WDR4: variants seen among roughly 807,000 people sequenced by gnomAD.
WDR4 encodes the protein WDR4 tRNA N7-guanosine methyltransferase non-catalytic subunit, also known as tRNA (guanine-N(7)-)-methyltransferase non-catalytic subunit WDR4.
Under a neutral mutation model 48.6 loss-of-function variants are expected in WDR4, and 47 were observed. That is an observed-to-expected ratio of 0.97 (90% CI 0.77 to 1.23). The LOEUF is 1.23. Among genes scored for constraint, WDR4 ranks in the 50% most tolerant of loss-of-function variants. WDR4 has a pLI of 0.00. For synonymous variants in WDR4, 268 were observed against 230.0 expected (o/e 1.17, Z -1.49); for missense variants, 606 against 551.6 (o/e 1.10, Z -0.99).
At chr21:42,859,595 G>GTGGGCCCC in intron 6 of WDR4, 67 bp downstream of exon 6, 1 of 756,200 alleles carries the variant, frequency 1.3e-6, no homozygotes. Flanking sequence ...GGTCCAGGAG[G>GTGGGCCCC]CGCCCACCCC....
rs1005638916 is a variant in WDR4 at position 42,850,304 on chromosome 21, A to G, written c.1046-62T>C. 8 of 1,456,548 alleles carry G rather than the reference A, an allele frequency of 5.5e-6. No homozygotes were observed. In the East Asian group the frequency reaches 1.9e-4, roughly 35 times the overall value. 90.2% of individuals were successfully genotyped at this position (1,456,548 alleles called of 1,614,324 possible). A position where few individuals can be genotyped will look rare whatever the true frequency, so the allele number is the denominator to read the frequency against. On this transcript the variant is annotated intron_variant, in intron 10 of 10. Coordinates refer to ENST00000398208, the MANE Select transcript of WDR4 (RefSeq NM_018669.6). ...CAGGAACATGGGACTCGGCCACCAC[A>G]GCGGGCCCCCTGCAGCAGGGAGTTA...
intron 3 of WDR4, among the ~76,000 whole-genome samples, chr21:42,869,689 C>T (rs2058325717): frequency 6.6e-6 from 1 of 151,834 alleles, no homozygotes; most frequent in Admixed American, 6.6e-5. Context: ...GTTTACAAAA[C>T]ACAAATGATT....
Position 42,862,355 on chromosome 21 carries a change from G to A in WDR4, c.493C>T (p.Arg165Trp), listed in dbSNP as rs762942524. The A allele has an allele frequency of 2.3e-5, 37 of 1,611,284 alleles. No homozygotes were observed. The highest frequency in any genetic ancestry group is 4.4e-5 in the South Asian group (4 of 90,398). The change falls in exon 5 of 11, where the codon CGG (arginine) becomes TGG (tryptophan). Residue 165 changes from arginine (R) to tryptophan (W), a missense_variant. Coordinates refer to ENST00000398208, the MANE Select transcript of WDR4 (RefSeq NM_018669.6). This position sits in a 1 kb window ranked among gnomAD's most constrained non-coding sequence, Gnocchi z 4.3. ...CAGCTGACTCGGATCTTCTCGTCCC[G>A]GTCGGCAGTGAGGATGAAGCGGTCA... ...PDDRFILTAD[R>W]DEKIRVSWAA...
chr21:42,875,993 G>A (rs1221690723), intron 2 of WDR4, among the ~76,000 whole-genome samples: 4 of 134,520 alleles, frequency 3.0e-5, no homozygotes, highest in Admixed American at 8.1e-5. Context: ...AACCTCGGCC[G>A]ACTGCAACCT....
At chr21:42,891,149 A>G in the WDR4 span, among the ~76,000 whole-genome samples, 1 of 151,928 alleles carries the variant, frequency 6.6e-6, no homozygotes, top group Non-Finnish European at 1.5e-5. Flanking sequence ...ATGGTGAAAC[A>G]CTATCTCTAC....
chr21:42,875,924 T>TC (rs1435344891), intron 2 of WDR4, among the ~76,000 whole-genome samples: 1 of 145,672 alleles, frequency 6.9e-6, no homozygotes, highest in African/African-American at 2.6e-5. Context: ...TGCTTTTTTT[T>TC]TTTTTTTTTT....
In WDR4 at chr21:42,852,331, G is replaced by A. The variant is rs577625026; in HGVS notation, c.976-7C>T. Reference sequence around the variant, plus strand: ...CGGTGCTCTCAGGAACAGACTGCAGGCGACAAACAGGAAATCTTCATCAGA... The same window carrying A: ...CGGTGCTCTCAGGAACAGACTGCAGACGACAAACAGGAAATCTTCATCAGA... On this transcript the variant is annotated splice_region_variant and splice_polypyrimidine_tract_variant and intron_variant, in intron 9 of 10. Coordinates refer to ENST00000398208, the MANE Select transcript of WDR4 (RefSeq NM_018669.6). 5.0e-6 allele frequency: 8 copies of A among 1,613,684 alleles called. No homozygotes were observed. The highest frequency in any genetic ancestry group is 1.3e-5 in the African/African-American group (1 of 74,932).
intron 5 of WDR4, among the ~76,000 whole-genome samples, chr21:42,860,181 G>A (rs1430804446): frequency 6.6e-6 from 1 of 152,174 alleles, no homozygotes; most frequent in Non-Finnish European, 1.5e-5. Flanking sequence ...ACACAGGGAG[G>A]AGGGTGGAGG....
intron 6 of WDR4, among the ~76,000 whole-genome samples, chr21:42,859,297 C>T (rs541771615): frequency 6.6e-6 from 1 of 152,142 alleles, no homozygotes; most frequent in Admixed American, 6.5e-5. Flanking sequence ...AAAAATGCAG[C>T]CCGTAATGGG....
Position 42,850,207 on chromosome 21 carries a change from A to G in WDR4, c.1081T>C (p.Tyr361His). The change falls in exon 11 of 11, where the codon TAC (tyrosine) becomes CAC (histidine). Residue 361 changes from tyrosine (Y) to histidine (H), a missense_variant. Tyr to His is a moderately conservative substitution (Grantham distance 83, BLOSUM62 2). Transcript: ENST00000398208. The stretch of plus-strand genomic sequence containing the variant: ...GTCACGTTGTCGAACGTGGCCTTGT[A>G]GAGACTGCTGAAGCTGGCGTCTGCG... ...AGADASFSSL[Y>H]KATFDNVTSY... is the part of the protein sequence containing the mutation. 6.2e-7 allele frequency: 1 copy of G among 1,609,882 alleles called. No individual in the cohort carries two copies.
intron 6 of WDR4, among the ~76,000 whole-genome samples, chr21:42,857,062 G>A (rs1019624734): frequency 2.0e-5 from 3 of 152,210 alleles, no homozygotes; most frequent in South Asian, 2.1e-4. Flanking sequence ...AGACCAAACC[G>A]GGCCAGGCAG....
At chr21:42,844,819 G>A (rs2057697522), downstream of WDR4, among the ~76,000 whole-genome samples, 1 of 152,232 alleles carries the variant, frequency 6.6e-6, no homozygotes, top group African/African-American at 2.4e-5. Context: ...CCTGGGTGTT[G>A]CTAAACTCCT....
chr21:42,846,923 A>G (rs1017273672), downstream of WDR4, among the ~76,000 whole-genome samples: 3 of 152,032 alleles, frequency 2.0e-5, no homozygotes, highest in African/African-American at 7.2e-5. Flanking sequence ...CGGGAGGCTG[A>G]GGTAGGAGAA....
chr21:42,878,659 A>G (rs990688601), intron 1 of WDR4, among the ~76,000 whole-genome samples: 1 of 152,222 alleles, frequency 6.6e-6, no homozygotes, highest in Non-Finnish European at 1.5e-5. Flanking sequence ...AATTGCTCCG[A>G]GAGTCCTGAG....
rs117813038 is a variant in WDR4, at chr21:42,878,822, A to C, written c.89+585T>G. ...TAGGGAGGTGCGCACTGCGAGCTCC[A>C]CGTGCACCCTTGGGTTGGGTAAGTG... On this transcript the variant is annotated intron_variant, in intron 1 of 10. Transcript: ENST00000398208. Among the ~76,000 whole-genome samples, 1,327 of 152,328 alleles carry C rather than the reference A, an allele frequency of 8.7e-3. 11 individuals carry two copies. The highest frequency in any genetic ancestry group is 0.034 in the Middle Eastern group (10 of 294).
chr21:42,871,107 T>C (rs974630297), intron 3 of WDR4, among the ~76,000 whole-genome samples: 4 of 152,056 alleles, frequency 2.6e-5, no homozygotes, highest in Non-Finnish European at 5.9e-5. Context: ...AATGAGGACA[T>C]AGACACAAAA....
In WDR4 at chr21:42,855,728, C is replaced by T; in HGVS notation, c.680G>A (p.Cys227Tyr). Reference protein sequence around the residue: ...EYRSGRQLHCCHLASLQELVD... With the variant: ...EYRSGRQLHCYHLASLQELVD... ...CAGCTCCTGCAGACTGGCCAGGTGA[C>T]AGCAGTGCAGCTGGCGGCCGCTCCT... Residue 227 changes from cysteine (C) to tyrosine (Y), a missense_variant, in exon 7 of 11, where the codon TGT becomes TAT. Transcript: ENST00000398208. 1 of 1,555,158 alleles carries T rather than the reference C, an allele frequency of 6.4e-7. No individual in the cohort carries two copies. The highest frequency in any genetic ancestry group is 8.7e-7 in the Non-Finnish European group (1 of 1,149,092).
intron 3 of WDR4, among the ~76,000 whole-genome samples, chr21:42,872,006 C>T (rs1439221505): frequency 6.6e-6 from 1 of 150,814 alleles, no homozygotes; most frequent in Non-Finnish European, 1.5e-5. Flanking sequence ...TTTTTTGAGA[C>T]GGGGTTTTGC....
intron 7 of WDR4, 61 bp downstream of exon 7, chr21:42,855,620 AG>A (rs2057966948): frequency 7.6e-7 from 1 of 1,307,594 alleles, no homozygotes; most frequent in Non-Finnish European, 1.0e-6. Flanking sequence ...TTTCCACTCA[AG>A]TCAGGCGACT....
Sources: gnomAD v4.1 joint callset for allele counts (sites outside exome capture counted in the v4.1 genomes callset) on GRCh38, gnomAD v4.1.1 for gene constraint, Gnocchi (gnomAD v3.1) non-coding constraint, MANE v1.5 for transcripts, NCBI Gene and HGNC (gene_info 2026-07-23, HGNC 2026-07-21) for gene names.